The following CNTN5 variants were observed in gnomAD, a reference collection of about 807,000 sequenced individuals.
The protein encoded by CNTN5 is contactin 5.
A neutral mutation model predicts 129.1 loss-of-function variants in CNTN5; 77 were observed. The observed-to-expected ratio is 0.60, with a 90% CI of 0.50 to 0.72. The LOEUF is 0.72. Ranked by LOEUF, CNTN5 falls within the 30% of genes least tolerant of loss-of-function variation. The pLI is 0.00. For synonymous variants in CNTN5, 509 were observed against 465.6 expected (o/e 1.09, Z -1.20); for missense variants, 1,478 against 1,328.8 (o/e 1.11, Z -1.75).
intron 1 of CNTN5, among the ~76,000 whole-genome samples, chr11:99,073,281 C>T (rs184034024): frequency 8.7e-4 from 131 of 149,824 alleles, no homozygotes; most frequent in African/African-American, 3.0e-3. Context: ...ACTTAGCTTT[C>T]GTAGAAATTG....
Position 99,256,835 on chromosome 11 carries a change from A to C in CNTN5, c.-209-68511A>C, listed in dbSNP as rs553613374. On this transcript the variant is annotated intron_variant, in intron 1 of 24. Coordinates refer to ENST00000524871, the MANE Select transcript of CNTN5 (RefSeq NM_014361.4). ...ACCTTCTATGTGTTTCTGTGGTTTT[A>C]TAACATCTACCCTACAATCACACAT... Among the ~76,000 whole-genome samples, 11 of 152,218 alleles carry C rather than the reference A, an allele frequency of 7.2e-5. No individual in the cohort carries two copies. In the East Asian group the frequency reaches 1.9e-3, roughly 27 times the overall value.
chr11:99,825,408 A>G (rs2135580721), intron 4 of CNTN5, among the ~76,000 whole-genome samples: 1 of 152,142 alleles, frequency 6.6e-6, no homozygotes, highest in South Asian at 2.1e-4. Context: ...TGTTTCAAAC[A>G]TATGCGTCCT....
chr11:99,304,858 C>A (rs1244066070), intron 1 of CNTN5, among the ~76,000 whole-genome samples: 1 of 152,178 alleles, frequency 6.6e-6, no homozygotes, highest in Non-Finnish European at 1.5e-5. Context: ...TCAATTTTGA[C>A]TCCCTACGAG....
intron 13 of CNTN5, among the ~76,000 whole-genome samples, chr11:100,131,938 C>G (rs1281344112): frequency 1.3e-5 from 2 of 152,118 alleles, no homozygotes; most frequent in South Asian, 2.1e-4. Context: ...TGGAAGGGCA[C>G]TGAGGCAAGG....
chr11:99,196,347 T>C (rs560656622), intron 1 of CNTN5, among the ~76,000 whole-genome samples: 192 of 152,072 alleles, frequency 1.3e-3, no homozygotes, highest in African/African-American at 4.5e-3. Flanking sequence ...TTGTAAATAT[T>C]TGTATAACTA....
At chr11:99,638,117 A>T (rs537408686) in intron 3 of CNTN5, among the ~76,000 whole-genome samples, 118 of 152,238 alleles carry the variant, frequency 7.8e-4, no homozygotes, top group Admixed American at 3.6e-3. Context: ...AGTTCCACGT[A>T]CCTTGTGAGG....
At chr11:99,732,350 G>C (rs1339101891) in intron 3 of CNTN5, among the ~76,000 whole-genome samples, 1 of 152,104 alleles carries the variant, frequency 6.6e-6, no homozygotes, top group African/African-American at 2.4e-5. Context: ...AGTTTAGAAG[G>C]GAGAACATGG....
At chr11:99,598,585 A>G (rs1950217781) in intron 3 of CNTN5, among the ~76,000 whole-genome samples, 1 of 151,148 alleles carries the variant, frequency 6.6e-6, no homozygotes, top group African/African-American at 2.4e-5. Context: ...GCCCTTTGGA[A>G]AGGTACTTCT....
chr11:99,333,620 A>G (rs1039080455), intron 2 of CNTN5, among the ~76,000 whole-genome samples: 12 of 152,076 alleles, frequency 7.9e-5, no homozygotes, highest in African/African-American at 2.9e-4. Flanking sequence ...AGCATGTGGA[A>G]TAGAAAATAT....
chr11:99,870,374 T>C (rs1207408120), intron 6 of CNTN5, among the ~76,000 whole-genome samples: 1 of 152,126 alleles, frequency 6.6e-6, no homozygotes, highest in East Asian at 1.9e-4. Flanking sequence ...TTACCATCAA[T>C]ATATTTGACA....
chr11:99,281,341 T>A (rs1374923522), intron 1 of CNTN5, among the ~76,000 whole-genome samples: 1 of 151,956 alleles, frequency 6.6e-6, no homozygotes, highest in Non-Finnish European at 1.5e-5. Context: ...GAAACAAAAC[T>A]GCCAGATCTA....
chr11:99,319,125 G>A (rs759393193), intron 1 of CNTN5, among the ~76,000 whole-genome samples: 24 of 152,148 alleles, frequency 1.6e-4, no homozygotes, highest in African/African-American at 5.5e-4. Flanking sequence ...CTTGACATCA[G>A]TAGCACTGGG....
At chr11:99,066,207 G>A (rs564814497) in intron 1 of CNTN5, among the ~76,000 whole-genome samples, 9 of 152,140 alleles carry the variant, frequency 5.9e-5, no homozygotes, top group Non-Finnish European at 1.0e-4. Context: ...GGGTTCATGC[G>A]ATTCTCCTGC....
intron 3 of CNTN5, among the ~76,000 whole-genome samples, chr11:99,621,416 TA>T (rs1044295871): frequency 3.3e-5 from 5 of 152,336 alleles, no homozygotes; most frequent in Admixed American, 2.6e-4. Flanking sequence ...CAAAAAAGGA[TA>T]TTTTTTCATA....
intron 2 of CNTN5, among the ~76,000 whole-genome samples, chr11:99,364,268 A>T (rs1181445391): frequency 6.6e-6 from 1 of 152,142 alleles, no homozygotes; most frequent in Non-Finnish European, 1.5e-5. Context: ...TGCTATATTA[A>T]CTTCCTTAAG....
intron 1 of CNTN5, among the ~76,000 whole-genome samples, chr11:99,278,509 T>C (rs1312363395): frequency 6.6e-6 from 1 of 151,736 alleles, no homozygotes; most frequent in African/African-American, 2.4e-5. Context: ...AAGTTTGGTA[T>C]AAAATAATAG....
chr11:99,252,596 C>G (rs1255404472), intron 1 of CNTN5, among the ~76,000 whole-genome samples: 1 of 151,670 alleles, frequency 6.6e-6, no homozygotes, highest in Admixed American at 6.6e-5. Flanking sequence ...TATCATCTCA[C>G]AAACGCTTGA....
intron 2 of CNTN5, among the ~76,000 whole-genome samples, chr11:99,384,841 G>A (rs1274229102): frequency 6.6e-6 from 1 of 152,120 alleles, no homozygotes; most frequent in African/African-American, 2.4e-5. Context: ...ATTAAATCAA[G>A]CTAATTACCA....
intron 2 of CNTN5, among the ~76,000 whole-genome samples, chr11:99,473,056 C>T (rs1305935901): frequency 6.6e-6 from 1 of 152,146 alleles, no homozygotes; most frequent in African/African-American, 2.4e-5. Flanking sequence ...TCTGACACAT[C>T]TCTTTGCTTA....
Sources: allele counts gnomAD v4.1 joint callset (sites outside exome capture counted in the v4.1 genomes callset), GRCh38; gene constraint gnomAD v4.1.1; transcripts MANE v1.5; gene names NCBI Gene and HGNC (gene_info 2026-07-23, HGNC 2026-07-21).